ST7L: variants seen among roughly 807,000 people sequenced by gnomAD.
ST7L encodes suppressor of tumorigenicity 7 protein-like.
Under a neutral mutation model 72.5 loss-of-function variants are expected in ST7L, and 57 were observed. The ratio of observed to expected loss-of-function variants is 0.79; its 90% CI spans 0.64 to 0.98. ST7L has a LOEUF of 0.98. Ranked by LOEUF, ST7L falls within the 50% of genes least tolerant of loss-of-function variation. The pLI, the probability that ST7L is intolerant of heterozygous loss-of-function variation, is 0.00. For synonymous variants in ST7L, 221 were observed against 240.9 expected (o/e 0.92, Z 0.77); for missense variants, 576 against 672.2 (o/e 0.86, Z 1.58).
At position 112,618,201 on chromosome 1, in the gene ST7L, A is replaced by C. The variant is rs928162855; in HGVS notation, c.205+708T>G. On this transcript the variant is annotated intron_variant, in intron 1 of 14. Transcript: ENST00000358039. ...AACACTTCATCCTGTCTACAGCTAA[A>C]GAATAGTACAGTATATGAGAATCCA... is the stretch of plus-strand genomic sequence containing the variant. The C allele has an allele frequency of 1.0e-5, 12 of 1,203,666 alleles. No homozygotes were observed. The South Asian group carries it at 1.9e-4, about 19-fold the overall frequency. 74.6% of individuals were successfully genotyped at this position (1,203,666 alleles called of 1,614,324 possible).
intron 6 of ST7L, 125 bp from the exon 7 acceptor site, chr1:112,584,251 A>C: frequency 9.6e-7 from 1 of 1,042,098 alleles, no homozygotes; most frequent in East Asian, 2.8e-5. Flanking sequence ...GAAAAAAAAA[A>C]ACCTTCGTTC....
chr1:112,616,885 A>G lies in ST7L; in HGVS notation c.216T>C (p.Phe72=). ...LCENLAAVTV[F]LNSLTPKFYV... The stretch of plus-strand genomic sequence containing the variant: ...AGAATTTGGGTGTCAATGAATTTAA[A>G]AATACAGTCACTGTCAAAAGAACAA... The change falls in exon 2 of 15, where the codon TTT becomes TTC. Residue 72 remains phenylalanine, a synonymous_variant. Coordinates refer to ENST00000358039, the MANE Select transcript of ST7L (RefSeq NM_017744.5). 6.2e-7 allele frequency: 1 copy of G among 1,604,844 alleles called. No individual in the cohort carries two copies. The highest frequency in any genetic ancestry group is 8.5e-7 in the Non-Finnish European group (1 of 1,176,830).
chr1:112,618,675 G>C (rs2101112447), intron 1 of ST7L: 2 of 819,606 alleles, frequency 2.4e-6, no homozygotes, highest in South Asian at 2.3e-5. Context: ...ATGGAAAAAC[G>C]AGGACATAAG....
At chr1:112,580,408 T>A (rs1050777838) in intron 9 of ST7L, among the ~76,000 whole-genome samples, 14 of 152,198 alleles carry the variant, frequency 9.2e-5, no homozygotes, top group Non-Finnish European at 2.1e-4. Context: ...CCGCTTCAGC[T>A]TCCCAAAGGG....
At position 112,578,327 on chromosome 1, in the gene ST7L, A is replaced by G; in HGVS notation, c.1142+18T>C. On this transcript the variant is annotated intron_variant, in intron 10 of 14. Coordinates refer to ENST00000358039, the MANE Select transcript of ST7L (RefSeq NM_017744.5). ...TTTAGCAGTCTTTCCAAATCATTGT[A>G]GTTTTTATAACACGTACTTTTCTGA... is the stretch of plus-strand genomic sequence containing the variant. The G allele has an allele frequency of 1.9e-6, 3 of 1,607,652 alleles. No individual in the cohort carries two copies. Among genetic ancestry groups the G allele is most frequent in the East Asian group, 4.5e-5 (2 of 44,842 alleles).
intron 3 of ST7L, among the ~76,000 whole-genome samples, chr1:112,609,321 C>T (rs897009078): frequency 6.6e-6 from 1 of 151,598 alleles, no homozygotes; most frequent in Non-Finnish European, 1.5e-5. Flanking sequence ...CACCTGAGGT[C>T]GGGAGTTCAA....
At position 112,570,570 on chromosome 1, in the gene ST7L, T is replaced by TATATAC. The variant is rs1183877129; in HGVS notation, c.1245+6415_1245+6416insGTATAT. Among the ~76,000 whole-genome samples, 949 of 143,358 alleles carry TATATAC rather than the reference T, an allele frequency of 6.6e-3. 8 individuals are homozygous for TATATAC. The highest frequency in any genetic ancestry group is 0.022 in the African/African-American group (838 of 38,578). 94.0% of individuals were successfully genotyped at this position (143,358 alleles called of 152,430 possible). A position where few individuals can be genotyped will look rare whatever the true frequency, so the allele number is the denominator to read the frequency against. Reference sequence around the variant, plus strand: ...GTATATATATATATATATATATATATACACACACACATATATTTGAAATGT... The same window carrying TATATAC: ...GTATATATATATATATATATATATATATATACACACACACACATATATTTGAAATGT... On this transcript the variant is annotated intron_variant, in intron 11 of 14. Transcript: ENST00000358039.
chr1:112,540,907 A>G, intron 14 of ST7L: 1 of 1,213,978 alleles, frequency 8.2e-7, no homozygotes, highest in Non-Finnish European at 1.1e-6. Flanking sequence ...AGAAAGATGC[A>G]TTTTTAAAAA....
intron 11 of ST7L, among the ~76,000 whole-genome samples, chr1:112,570,356 T>C (rs1217770618): frequency 3.3e-5 from 5 of 152,058 alleles, no homozygotes; most frequent in Non-Finnish European, 5.9e-5. Context: ...TTATATGATC[T>C]TTCTCTATTG....
chr1:112,577,283 C>T (rs1465351099), intron 10 of ST7L, among the ~76,000 whole-genome samples, 195 bp from the exon 11 acceptor site: 5 of 150,168 alleles, frequency 3.3e-5, no homozygotes, highest in African/African-American at 1.2e-4. Context: ...AATCCCAGCA[C>T]TTTGGGAGGC....
At chr1:112,534,767 C>T (rs1010036188) in intron 14 of ST7L, among the ~76,000 whole-genome samples, 6 of 152,126 alleles carry the variant, frequency 3.9e-5, no homozygotes, top group Non-Finnish European at 5.9e-5. Flanking sequence ...GAATGGGTTT[C>T]GAATGAGTGA....
chr1:112,555,883 A>G lies in ST7L; in HGVS notation c.1381T>C (p.Cys461Arg). Reference protein sequence around the residue: ...RIEGALNLLQCTWEGTFRMIP... With the variant: ...RIEGALNLLQRTWEGTFRMIP... ...GAATACTTACTGCCTTCCCATGTAC[A>G]CTGTAACAGATTAAGAGCACCTTCT... Residue 461 changes from cysteine (C) to arginine (R), a missense_variant, in exon 12 of 15, where the codon TGT (cysteine) becomes CGT (arginine). Cys to Arg is a radical substitution (Grantham distance 180). Transcript: ENST00000358039. The G allele has an allele frequency of 6.3e-7, 1 of 1,587,990 alleles. No individual in the cohort carries two copies. The highest frequency in any genetic ancestry group is 2.3e-5 in the East Asian group (1 of 44,324).
At chr1:112,521,793 G>A (rs542146154), downstream of ST7L, 1 of 152,270 alleles carries the variant, frequency 6.6e-6, no homozygotes, top group Non-Finnish European at 1.5e-5. Context: ...CTGGAGGTAG[G>A]ACATGAAGTC....
At chr1:112,532,027 C>T in intron 14 of ST7L, among the ~76,000 whole-genome samples, 1 of 152,128 alleles carries the variant, frequency 6.6e-6, no homozygotes, top group Non-Finnish European at 1.5e-5. Flanking sequence ...AGCTAAAATT[C>T]ACCAAGGGCA....
chr1:112,531,885 AG>A (rs1268658549), intron 14 of ST7L, among the ~76,000 whole-genome samples: 1 of 152,210 alleles, frequency 6.6e-6, no homozygotes, highest in Non-Finnish European at 1.5e-5. Context: ...AAATCAAGAC[AG>A]GCCCTATTGG....
chr1:112,582,517 T>C (rs1664287400), intron 7 of ST7L, 45 bp from the exon 8 acceptor site: 1 of 1,157,432 alleles, frequency 8.6e-7, no homozygotes, highest in African/African-American at 1.5e-5. Flanking sequence ...ACTTTTGTAT[T>C]GTGGGCTGCT....
At chr1:112,593,568 T>G (rs1180282505) in intron 5 of ST7L, among the ~76,000 whole-genome samples, 1 of 152,184 alleles carries the variant, frequency 6.6e-6, no homozygotes. Flanking sequence ...ATTCACTGTC[T>G]CAAAGGGAGA....
At chr1:112,547,372 T>C (rs193141668) in intron 13 of ST7L, among the ~76,000 whole-genome samples, 1 of 152,016 alleles carries the variant, frequency 6.6e-6, no homozygotes, top group East Asian at 1.9e-4. Flanking sequence ...TTTGTATTTT[T>C]AGTAGAGATG....
rs548839886 is a variant in ST7L, at chr1:112,581,738, C to T, written c.1069+254G>A. 2.0e-5 allele frequency among the ~76,000 whole-genome samples: 3 copies of T among 152,178 alleles called. No homozygotes were observed. The South Asian group carries it at 6.2e-4, about 32-fold the overall frequency. On this transcript the variant is annotated intron_variant, in intron 9 of 14. Transcript: ENST00000358039. ...ATGTTGTCTTGTTCACTGTCATATT[C>T]TGAATGACTCACTCATATTAGAAAC...
Sources: gnomAD v4.1 joint callset for allele counts (sites outside exome capture counted in the v4.1 genomes callset) on GRCh38, gnomAD v4.1.1 for gene constraint, MANE v1.5 for transcripts, NCBI Gene and HGNC (gene_info 2026-07-23, HGNC 2026-07-21) for gene names.